Variants in DAB1 observed in about 807,000 individuals in gnomAD.
The protein encoded by DAB1 is DAB adaptor protein 1.
DAB1 carries 15 observed loss-of-function variants against 64.6 expected under a neutral mutation model. The observed-to-expected ratio is 0.23, with a 90% CI of 0.16 to 0.36. The LOEUF is 0.36. Ranked by LOEUF, DAB1 falls within the 10% of genes least tolerant of loss-of-function variation. DAB1 has a pLI of 1.00. For synonymous variants in DAB1, 235 were observed against 251.9 expected (o/e 0.93, Z 0.64); for missense variants, 596 against 706.7 (o/e 0.84, Z 1.78).
chr1:58,384,058 GT>G (rs534036894), intron 3 of DAB1, among the ~76,000 whole-genome samples: 105 of 143,158 alleles, frequency 7.3e-4, no homozygotes, highest in Middle Eastern at 3.6e-3. Context: ...TTTTGTTGTT[GT>G]TTTTTTTTTT....
chr1:57,500,059 A>T (rs1377431463), intron 7 of DAB1, among the ~76,000 whole-genome samples: 1 of 152,230 alleles, frequency 6.6e-6, no homozygotes, highest in Non-Finnish European at 1.5e-5. Context: ...TGATAAAAAT[A>T]ATAATCACCA....
intron 5 of DAB1, among the ~76,000 whole-genome samples, chr1:58,045,180 C>T (rs931186514): frequency 6.6e-6 from 1 of 152,158 alleles, no homozygotes; most frequent in Non-Finnish European, 1.5e-5. Flanking sequence ...ATCCTGCAGG[C>T]CGGCCGACAG....
intron 5 of DAB1, among the ~76,000 whole-genome samples, chr1:58,118,540 CATATATAT>C (rs1211032372): frequency 1.1e-4 from 8 of 71,950 alleles, no homozygotes; most frequent in African/African-American, 4.8e-4. Context: ...ATATAAAATA[CATATATAT>C]ACATATATAT....
At chr1:58,333,954 T>A (rs1418962636) in intron 4 of DAB1, among the ~76,000 whole-genome samples, 1 of 152,222 alleles carries the variant, frequency 6.6e-6, no homozygotes, top group Non-Finnish European at 1.5e-5. Context: ...ACCCCATTTT[T>A]AAAAATATTT....
chr1:58,209,815 C>G (rs1383825938), intron 4 of DAB1, among the ~76,000 whole-genome samples: 1 of 151,948 alleles, frequency 6.6e-6, no homozygotes, highest in Non-Finnish European at 1.5e-5. Context: ...TTTGAATCGT[C>G]TTTAAGAACA....
At chr1:57,162,699 T>C (rs909782896) in intron 2 of DAB1, among the ~76,000 whole-genome samples, 1 of 152,192 alleles carries the variant, frequency 6.6e-6, no homozygotes, top group African/African-American at 2.4e-5. Context: ...ATTATTTTGG[T>C]CTTGGTATAT....
At chr1:57,202,477 G>T (rs551683308) in intron 2 of DAB1, among the ~76,000 whole-genome samples, 6 of 152,108 alleles carry the variant, frequency 3.9e-5, no homozygotes, top group African/African-American at 1.4e-4. Flanking sequence ...ACTAAGATCC[G>T]TTTACCTGCA....
chr1:57,205,928 TTC>T (rs1291907675), intron 2 of DAB1, among the ~76,000 whole-genome samples: 2 of 152,254 alleles, frequency 1.3e-5, no homozygotes, highest in Non-Finnish European at 2.9e-5. Flanking sequence ...TTATTGGCTC[TTC>T]TCTTTCTCTC....
chr1:57,711,532 G>A (rs147938302), intron 6 of DAB1, among the ~76,000 whole-genome samples: 168 of 152,304 alleles, frequency 1.1e-3, no homozygotes, highest in Middle Eastern at 3.4e-3. Flanking sequence ...TGTACTCACG[G>A]GTGCCTGTCA....
intron 7 of DAB1, among the ~76,000 whole-genome samples, chr1:57,461,229 T>G (rs991288107): frequency 2.6e-5 from 4 of 152,214 alleles, no homozygotes; most frequent in Non-Finnish European, 4.4e-5. Flanking sequence ...CTTTATTTTG[T>G]TGACTCTCAG....
chr1:57,703,880 T>C (rs1646935742), intron 6 of DAB1, among the ~76,000 whole-genome samples: 1 of 152,168 alleles, frequency 6.6e-6, no homozygotes, highest in Admixed American at 6.5e-5. Flanking sequence ...GATCATGTCC[T>C]TTGCAGGGAG....
intron 6 of DAB1, among the ~76,000 whole-genome samples, chr1:57,672,477 T>A (rs1220826938): frequency 6.6e-6 from 1 of 152,070 alleles, no homozygotes; most frequent in African/African-American, 2.4e-5. Flanking sequence ...ACCTTCTGCT[T>A]TCTAGTGGGG....
At position 58,473,268 on chromosome 1, in the gene DAB1, C is replaced by T. The variant is rs193243442; in HGVS notation, n.257+32792G>A. Among the ~76,000 whole-genome samples the T allele has an allele frequency of 2.0e-3, 303 of 152,206 alleles. 1 individual carries two copies. The highest frequency in any genetic ancestry group is 6.8e-3 in the Middle Eastern group (2 of 294). ...ATTCATAAATAACATGGGGGCCGGGCGCGGTGGCTCACGCCTGTAATCCCA... is the reference window on the plus strand; with the variant it reads ...ATTCATAAATAACATGGGGGCCGGGTGCGGTGGCTCACGCCTGTAATCCCA... On this transcript the variant is annotated intron_variant and non_coding_transcript_variant, in intron 3 of 20. Coordinates refer to the DAB1 transcript ENST00000485760.
Position 57,053,666 on chromosome 1 carries a change from G to GTATATATATA in DAB1, c.723+9208_723+9217dup, listed in dbSNP as rs71051215. Among the ~76,000 whole-genome samples the GTATATATATA allele has an allele frequency of 7.3e-4, 72 of 99,132 alleles. 1 individual carries two copies. Among genetic ancestry groups the GTATATATATA allele is most frequent in the East Asian group, 2.4e-3 (8 of 3,404 alleles). 65.0% of individuals were successfully genotyped at this position (99,132 alleles called of 152,430 possible). On this transcript the variant is annotated intron_variant, in intron 9 of 14. Coordinates refer to ENST00000371236, the MANE Select transcript of DAB1 (RefSeq NM_001365792.1). ...AATCTCTCTCTCTCTCTCTCTATAT[G>GTATATATATA]TATATATATATATATATATATATTT...
chr1:58,504,638 A>G (rs1001412438), intron 3 of DAB1, among the ~76,000 whole-genome samples: 2 of 152,234 alleles, frequency 1.3e-5, no homozygotes, highest in Non-Finnish European at 2.9e-5. Context: ...TTCCCCAGCA[A>G]TAGAACACAG....
At chr1:57,238,206 G>T (rs899475593) in intron 2 of DAB1, among the ~76,000 whole-genome samples, 2 of 152,218 alleles carry the variant, frequency 1.3e-5, no homozygotes, top group African/African-American at 4.8e-5. Context: ...TGTTAGGAAT[G>T]AGAATTCTGT....
intron 4 of DAB1, among the ~76,000 whole-genome samples, chr1:57,116,825 C>G (rs1234399331): frequency 6.6e-6 from 1 of 152,160 alleles, no homozygotes; most frequent in Non-Finnish European, 1.5e-5. Context: ...AATTAGGTGG[C>G]TTTTTACAGC....
At chr1:57,431,289 T>G (rs1359295980) in intron 7 of DAB1, among the ~76,000 whole-genome samples, 1 of 151,720 alleles carries the variant, frequency 6.6e-6, no homozygotes, top group East Asian at 1.9e-4. Context: ...CAATCAGAAT[T>G]TTGAAATTTA....
chr1:58,153,651 C>A (rs889939867), intron 4 of DAB1, among the ~76,000 whole-genome samples: 30 of 152,044 alleles, frequency 2.0e-4, no homozygotes, highest in Admixed American at 5.2e-4. Context: ...GTGATTGTTA[C>A]ATTTCTATTC....
Sources: gnomAD v4.1 joint callset for allele counts (sites outside exome capture counted in the v4.1 genomes callset) on GRCh38, gnomAD v4.1.1 for gene constraint, MANE v1.5 for transcripts, NCBI Gene and HGNC (gene_info 2026-07-23, HGNC 2026-07-21) for gene names.